Variants in STIM1 observed in about 807,000 individuals in gnomAD.
STIM1 encodes the protein stromal interaction molecule 1.
In STIM1, 25 loss-of-function variants were observed where a neutral mutation model predicts 74.7. The observed-to-expected ratio is 0.33, with a 90% CI of 0.24 to 0.47. The LOEUF (loss-of-function observed/expected upper bound fraction) is 0.47, where lower values mean the gene tolerates loss of function less well. Among genes scored for constraint, STIM1 ranks in the 20% least tolerant of loss-of-function variants. The pLI is 1.00. For missense variants in STIM1, 728 were observed against 920.8 expected (o/e 0.79, Z 2.71); for synonymous variants, 328 against 348.8 (o/e 0.94, Z 0.66).
At position 4,082,977 on chromosome 11, in the gene STIM1, A is replaced by C. The variant is rs2094473212; in HGVS notation, c.1233A>C (p.Thr411=). 1 of 1,613,390 alleles carries C rather than the reference A, an allele frequency of 6.2e-7. No individual in the cohort carries two copies. The highest frequency in any genetic ancestry group is 8.5e-7 in the Non-Finnish European group (1 of 1,179,342). The stretch of plus-strand genomic sequence containing the variant: ...ATGATGTAGATCATAAAATTCTAAC[A>C]GCTAAGTAAGTAACACCAGTTATCT... ...SLDDVDHKIL[T]AKQALSEVTA... is the part of the protein sequence containing the mutation. The change falls in exon 9 of 13, where the codon ACA becomes ACC. Residue 411 remains threonine, a synonymous_variant. Coordinates refer to ENST00000526596, the MANE Select transcript of STIM1 (RefSeq NM_001382567.1).
At chr11:4,051,649 T>C (rs1287246586) in intron 3 of STIM1, among the ~76,000 whole-genome samples, 2 of 152,084 alleles carry the variant, frequency 1.3e-5, no homozygotes, top group South Asian at 2.1e-4. Flanking sequence ...CCATAAATTA[T>C]CTTTTTTTAT....
intron 7 of STIM1, among the ~76,000 whole-genome samples, chr11:4,080,704 G>C (rs1452472128): frequency 6.6e-6 from 1 of 152,120 alleles, no homozygotes; most frequent in Middle Eastern, 3.2e-3. Flanking sequence ...GGGCTCAAGT[G>C]ATCCTCCTGC....
chr11:3,938,169 C>T (rs578096787), intron 1 of STIM1, among the ~76,000 whole-genome samples: 1 of 152,186 alleles, frequency 6.6e-6, no homozygotes, highest in South Asian at 2.1e-4. Flanking sequence ...AACTACTGAC[C>T]TCAAGTGATC....
At chr11:3,944,692 G>A (rs1312115183) in intron 1 of STIM1, among the ~76,000 whole-genome samples, 1 of 152,204 alleles carries the variant, frequency 6.6e-6, no homozygotes, top group Non-Finnish European at 1.5e-5. Context: ...TGTCAAGTGG[G>A]ATCAGGAATC....
At chr11:3,967,968 C>T (rs560252318) in intron 2 of STIM1, among the ~76,000 whole-genome samples, 1 of 152,228 alleles carries the variant, frequency 6.6e-6, no homozygotes, top group East Asian at 1.9e-4. Flanking sequence ...GAGAGAGATC[C>T]CTGAGGCTGG....
chr11:3,936,823 C>T (rs2092937580), intron 1 of STIM1, among the ~76,000 whole-genome samples: 1 of 152,172 alleles, frequency 6.6e-6, no homozygotes, highest in African/African-American at 2.4e-5. Context: ...GCTTCATATC[C>T]TTGAAAGGCT....
chr11:4,076,391 C>T (rs939759912), intron 7 of STIM1, among the ~76,000 whole-genome samples: 1 of 137,832 alleles, frequency 7.3e-6, no homozygotes, highest in Non-Finnish European at 1.5e-5. Flanking sequence ...GAGGCTGAGG[C>T]AGGAGGATTG....
chr11:3,909,588 G>A (rs2092526612), intron 1 of STIM1, among the ~76,000 whole-genome samples: 1 of 152,168 alleles, frequency 6.6e-6, no homozygotes, highest in Non-Finnish European at 1.5e-5. Flanking sequence ...ACTTTGAGAG[G>A]CTGAGGCGGG....
intron 2 of STIM1, among the ~76,000 whole-genome samples, chr11:3,979,017 TG>T (rs2093476471): frequency 6.6e-6 from 1 of 152,114 alleles, no homozygotes; most frequent in African/African-American, 2.4e-5. Context: ...AGCTAAACTC[TG>T]AGGGGAGCAG....
chr11:4,021,777 T>C (rs560049640), intron 2 of STIM1, among the ~76,000 whole-genome samples: 1 of 152,220 alleles, frequency 6.6e-6, no homozygotes, highest in Non-Finnish European at 1.5e-5. Flanking sequence ...TTGGGTAGTA[T>C]GAATATTTTA....
chr11:3,935,733 T>C (rs1303554921), intron 1 of STIM1, among the ~76,000 whole-genome samples: 1 of 152,108 alleles, frequency 6.6e-6, no homozygotes. Context: ...TTTTATCTGG[T>C]GAAAACCAGG....
intron 2 of STIM1, among the ~76,000 whole-genome samples, chr11:3,988,844 G>A (rs1383560162): frequency 6.6e-6 from 1 of 152,144 alleles, no homozygotes; most frequent in Non-Finnish European, 1.5e-5. Context: ...AATATGCATT[G>A]TATTATAGGA....
chr11:4,090,769 T>C (rs1331792428), intron 12 of STIM1, among the ~76,000 whole-genome samples: 1 of 152,228 alleles, frequency 6.6e-6, no homozygotes, highest in Non-Finnish European at 1.5e-5. Context: ...AGAGATTTTA[T>C]TGAGGATGCC....
chr11:3,916,930 G>T (rs1179254313), intron 1 of STIM1, among the ~76,000 whole-genome samples: 2 of 152,226 alleles, frequency 1.3e-5, no homozygotes, highest in Non-Finnish European at 2.9e-5. Context: ...GCTATGGAAA[G>T]GTGGTTTGGC....
chr11:4,041,362 T>A (rs1371433230), intron 3 of STIM1, among the ~76,000 whole-genome samples: 1 of 152,144 alleles, frequency 6.6e-6, no homozygotes, highest in Non-Finnish European at 1.5e-5. Flanking sequence ...TAGAAGCCAA[T>A]AAAAGCTTAG....
At chr11:3,982,014 T>TTTTTC (rs1255096971) in intron 2 of STIM1, among the ~76,000 whole-genome samples, 1 of 152,098 alleles carries the variant, frequency 6.6e-6, no homozygotes, top group African/African-American at 2.4e-5. Context: ...TTTTGTTTCT[T>TTTTTC]TTTTCTTTTC....
intron 1 of STIM1, among the ~76,000 whole-genome samples, chr11:3,936,108 G>T (rs1256340989): frequency 1.3e-5 from 2 of 152,148 alleles, no homozygotes; most frequent in Non-Finnish European, 2.9e-5. Context: ...CTACAATCAA[G>T]ATATAGAACA....
At chr11:3,972,531 TA>T (rs2093406485) in intron 2 of STIM1, among the ~76,000 whole-genome samples, 1 of 151,896 alleles carries the variant, frequency 6.6e-6, no homozygotes, top group Non-Finnish European at 1.5e-5. Flanking sequence ...ACAGCATGAG[TA>T]AAAAAAATTA....
intron 2 of STIM1, among the ~76,000 whole-genome samples, chr11:3,995,338 T>G (rs377101744): frequency 1.3e-5 from 2 of 152,332 alleles, no homozygotes; most frequent in South Asian, 2.1e-4. Context: ...GCTTGTTTAT[T>G]TATTTAATGA....
Sources: allele counts gnomAD v4.1 joint callset (sites outside exome capture counted in the v4.1 genomes callset), GRCh38; gene constraint gnomAD v4.1.1; transcripts MANE v1.5; gene names NCBI Gene and HGNC (gene_info 2026-07-23, HGNC 2026-07-21).